Variants in THSD7B observed in about 807,000 individuals in gnomAD.
The protein encoded by THSD7B is thrombospondin type-1 domain-containing protein 7B.
In THSD7B, 138 loss-of-function variants were observed where a neutral mutation model predicts 213.6. The ratio of observed to expected loss-of-function variants is 0.65; its 90% CI spans 0.56 to 0.74. THSD7B has a LOEUF of 0.74. Among genes scored for constraint, THSD7B ranks in the 30% least tolerant of loss-of-function variants. The probability of loss-of-function intolerance (pLI) is 0.00; values close to 1 mark genes in which losing one functional copy is unlikely to be tolerated. For synonymous variants in THSD7B, 742 were observed against 687.0 expected, an observed-to-expected ratio of 1.08 and a Z score of -1.25; for missense variants, 1,931 against 1,991.5, an observed-to-expected ratio of 0.97 and a Z score of 0.58.
intron 10 of THSD7B, among the ~76,000 whole-genome samples, chr2:137,269,372 T>G (rs879840039): frequency 3.9e-5 from 6 of 152,234 alleles, no homozygotes; most frequent in Non-Finnish European, 8.8e-5. Flanking sequence ...TATGCGAGTG[T>G]GTACCGTATG....
chr2:136,945,991 T>C (rs1214142572), intron 2 of THSD7B, among the ~76,000 whole-genome samples: 1 of 152,170 alleles, frequency 6.6e-6, no homozygotes, highest in Non-Finnish European at 1.5e-5. Context: ...TCCGTCCAGC[T>C]TTGTTTTGTT....
At chr2:136,820,107 T>C (rs530167217) in intron 1 of THSD7B, among the ~76,000 whole-genome samples, 91 of 152,306 alleles carry the variant, frequency 6.0e-4, no homozygotes, top group African/African-American at 2.1e-3. Flanking sequence ...AATACCTTAT[T>C]ATTTGTTTAC....
chr2:136,858,178 T>C (rs1335345987), intron 1 of THSD7B, among the ~76,000 whole-genome samples: 1 of 152,242 alleles, frequency 6.6e-6, no homozygotes, highest in Non-Finnish European at 1.5e-5. Flanking sequence ...ATATGTTAAT[T>C]AAAAATACAT....
chr2:137,427,793 A>C (rs1222343148), intron 14 of THSD7B, among the ~76,000 whole-genome samples: 1 of 152,172 alleles, frequency 6.6e-6, no homozygotes, highest in East Asian at 1.9e-4. Context: ...AGTTAATAAT[A>C]GTATATACTT....
chr2:136,937,324 T>G (rs1684752552), intron 2 of THSD7B, among the ~76,000 whole-genome samples: 1 of 151,916 alleles, frequency 6.6e-6, no homozygotes. Flanking sequence ...TTGCTAACTC[T>G]GCTCCCCCGC....
intron 3 of THSD7B, among the ~76,000 whole-genome samples, chr2:137,085,027 A>G (rs1319507510): frequency 1.3e-5 from 2 of 152,202 alleles, no homozygotes; most frequent in East Asian, 1.9e-4. Context: ...AAGTCTATAT[A>G]GTTTGTGAGA....
intron 14 of THSD7B, among the ~76,000 whole-genome samples, chr2:137,430,255 T>A (rs1006593447): frequency 4.6e-5 from 7 of 152,120 alleles, no homozygotes; most frequent in South Asian, 2.1e-4. Context: ...CTCAAAAAAA[T>A]TTATTTTAAT....
At position 137,095,113 on chromosome 2, in the gene THSD7B, A is replaced by G. The variant is rs747870398; in HGVS notation, c.1191A>G (p.Gln397=). The G allele has an allele frequency of 1.2e-4, 197 of 1,613,710 alleles. No homozygotes were observed. The highest frequency in any genetic ancestry group is 4.9e-4 in the Middle Eastern group (3 of 6,078). ...ACIVEGELLQ[Q]CPRYSWRTSE... ...TTGTTGAAGGAGAACTTCTGCAGCA[A>G]TGTCCCAGGTATTACGCCTTTATGC... The change falls in exon 4 of 28, where the codon CAA becomes CAG. Residue 397 remains glutamine, a synonymous_variant. Coordinates refer to ENST00000409968, the MANE Select transcript of THSD7B (RefSeq NM_001316349.2).
chr2:137,462,332 T>G (rs2105081276), intron 15 of THSD7B, among the ~76,000 whole-genome samples: 1 of 152,198 alleles, frequency 6.6e-6, no homozygotes, highest in African/African-American at 2.4e-5. Context: ...ACAGGGGCAT[T>G]GAAAATGTAA....
chr2:137,475,284 G>A (rs1040036225), intron 15 of THSD7B, among the ~76,000 whole-genome samples: 85 of 152,190 alleles, frequency 5.6e-4, no homozygotes, highest in African/African-American at 1.8e-3. Flanking sequence ...TAATCAAGGC[G>A]GTATTTAGGG....
chr2:137,671,735 T>C (rs1375522841), intron 27 of THSD7B, among the ~76,000 whole-genome samples: 1 of 152,144 alleles, frequency 6.6e-6, no homozygotes, highest in Non-Finnish European at 1.5e-5. Context: ...GGATTACAAC[T>C]CAAGATGAGA....
At chr2:136,912,322 A>AG (rs1491141697) in intron 2 of THSD7B, among the ~76,000 whole-genome samples, 3 of 52,998 alleles carry the variant, frequency 5.7e-5, no homozygotes, top group African/African-American at 3.5e-4. Context: ...ACTCCATCTC[A>AG]AAAAAAAAAA....
intron 9 of THSD7B, among the ~76,000 whole-genome samples, chr2:137,234,440 G>A (rs902719099): frequency 2.0e-5 from 3 of 152,288 alleles, no homozygotes; most frequent in Admixed American, 6.5e-5. Flanking sequence ...AACTGCTTAC[G>A]GCAGCAGATA....
intron 14 of THSD7B, among the ~76,000 whole-genome samples, chr2:137,420,612 TTCATCACTCTA>T (rs1363362812): frequency 6.6e-6 from 1 of 152,120 alleles, no homozygotes; most frequent in African/African-American, 2.4e-5. Flanking sequence ...CCATGAACAC[TTCATCACTCTA>T]TCATCACAAA....
At chr2:137,349,555 T>C (rs1484195854) in intron 12 of THSD7B, among the ~76,000 whole-genome samples, 1 of 151,860 alleles carries the variant, frequency 6.6e-6, no homozygotes, top group Non-Finnish European at 1.5e-5. Flanking sequence ...CTTAAAAACT[T>C]ATGCCAGGAG....
intron 2 of THSD7B, chr2:136,990,918 T>C: frequency 7.4e-7 from 1 of 1,349,496 alleles, no homozygotes; most frequent in African/African-American, 1.5e-5. Context: ...ATGAGGTGGT[T>C]TTGTATCACA....
intron 2 of THSD7B, among the ~76,000 whole-genome samples, chr2:137,034,914 C>G (rs896079510): frequency 6.6e-6 from 1 of 152,122 alleles, no homozygotes; most frequent in Non-Finnish European, 1.5e-5. Context: ...GTGCATGTGT[C>G]TTTATAGTAA....
At chr2:136,813,420 G>C in intron 1 of THSD7B, among the ~76,000 whole-genome samples, 1 of 145,532 alleles carries the variant, frequency 6.9e-6, no homozygotes, top group East Asian at 1.9e-4. Flanking sequence ...CATTTCCCAA[G>C]AGAAGGAAAA....
At chr2:137,228,292 G>A (rs532904390) in intron 7 of THSD7B, among the ~76,000 whole-genome samples, 150 of 152,168 alleles carry the variant, frequency 9.9e-4, no homozygotes, top group Middle Eastern at 3.4e-3. Flanking sequence ...CAAAAGGTTG[G>A]TGTTGGTGGG....
Sources: gnomAD v4.1 joint callset for allele counts (sites outside exome capture counted in the v4.1 genomes callset) on GRCh38, gnomAD v4.1.1 for gene constraint, MANE v1.5 for transcripts, NCBI Gene and HGNC (gene_info 2026-07-23, HGNC 2026-07-21) for gene names.